TMTC2: variants seen among roughly 807,000 people sequenced by gnomAD.
TMTC2 encodes transmembrane O-mannosyltransferase targeting cadherins 2.
TMTC2 carries 43 observed loss-of-function variants against 82.4 expected under a neutral mutation model. That is an observed-to-expected ratio of 0.52 (90% confidence interval 0.41 to 0.67). TMTC2 has a LOEUF of 0.67. Among genes scored for constraint, TMTC2 ranks in the 30% least tolerant of loss-of-function variants. The pLI is 0.00. For synonymous variants in TMTC2, 408 were observed against 381.9 expected (o/e 1.07, Z -0.80); for missense variants, 919 against 1,012.4 (o/e 0.91, Z 1.25).
chr12:82,727,590 G>A (rs561915265), intron 1 of TMTC2, among the ~76,000 whole-genome samples: 137 of 152,096 alleles, frequency 9.0e-4, no homozygotes, highest in Middle Eastern at 3.4e-3. Context: ...GCATGATGGC[G>A]TGGGCCTGTA....
intron 4 of TMTC2, among the ~76,000 whole-genome samples, chr12:82,951,554 C>T (rs1877347628): frequency 6.6e-6 from 1 of 152,206 alleles, no homozygotes; most frequent in Non-Finnish European, 1.5e-5. Flanking sequence ...CTCCTGAGCT[C>T]AGGCAATCCT....
chr12:82,880,165 C>G (rs1258687695), intron 2 of TMTC2, among the ~76,000 whole-genome samples: 1 of 152,100 alleles, frequency 6.6e-6, no homozygotes, highest in Non-Finnish European at 1.5e-5. Flanking sequence ...GAAATATGAT[C>G]CTTACTGTAA....
intron 1 of TMTC2, among the ~76,000 whole-genome samples, chr12:82,839,236 A>G (rs148701509): frequency 3.5e-4 from 54 of 152,332 alleles, no homozygotes; most frequent in African/African-American, 1.3e-3. Flanking sequence ...AGGGGAAACC[A>G]TTAGAAGACA....
chr12:82,782,769 T>C (rs1269149205), intron 1 of TMTC2, among the ~76,000 whole-genome samples: 1 of 152,176 alleles, frequency 6.6e-6, no homozygotes, highest in African/African-American at 2.4e-5. Flanking sequence ...TGGATGGCTA[T>C]TTGTGGCGTT....
At chr12:83,032,046 C>A (rs1269178250) in intron 9 of TMTC2, among the ~76,000 whole-genome samples, 8 of 151,868 alleles carry the variant, frequency 5.3e-5, no homozygotes, top group Admixed American at 5.3e-4. Flanking sequence ...TCAGGATTTT[C>A]TCATGCCTAG....
intron 4 of TMTC2, among the ~76,000 whole-genome samples, chr12:82,940,157 A>G (rs1876633049): frequency 6.6e-6 from 1 of 150,978 alleles, no homozygotes; most frequent in African/African-American, 2.4e-5. Flanking sequence ...AGCTGGGATT[A>G]TAGGCATGCG....
chr12:83,085,428 C>A (rs1325854935), intron 11 of TMTC2, among the ~76,000 whole-genome samples: 1 of 152,170 alleles, frequency 6.6e-6, no homozygotes, highest in Non-Finnish European at 1.5e-5. Flanking sequence ...CATTTTACAT[C>A]CAAGATTTTT....
intron 1 of TMTC2, among the ~76,000 whole-genome samples, chr12:82,748,096 G>A (rs1256448823): frequency 1.3e-5 from 2 of 151,700 alleles, no homozygotes; most frequent in African/African-American, 4.8e-5. Context: ...GGATCACGCG[G>A]TCAGGAGATT....
intron 4 of TMTC2, among the ~76,000 whole-genome samples, chr12:82,949,479 T>G (rs149344562): frequency 6.6e-6 from 1 of 152,180 alleles, no homozygotes; most frequent in Non-Finnish European, 1.5e-5. Flanking sequence ...GTTGCTTTTT[T>G]AAAATTTTTT....
At chr12:82,746,104 C>G (rs1029600288) in intron 1 of TMTC2, among the ~76,000 whole-genome samples, 41 of 152,134 alleles carry the variant, frequency 2.7e-4, no homozygotes, top group Non-Finnish European at 7.3e-5. Flanking sequence ...TATATAGAGG[C>G]CTTCATTTGT....
intron 11 of TMTC2, among the ~76,000 whole-genome samples, chr12:83,125,346 A>G (rs956976158): frequency 6.6e-6 from 1 of 152,232 alleles, no homozygotes; most frequent in African/African-American, 2.4e-5. Context: ...ATTTTGAGGT[A>G]GTTGGGGCTC....
chr12:82,747,872 C>A (rs1464828783), intron 1 of TMTC2, among the ~76,000 whole-genome samples: 2 of 152,042 alleles, frequency 1.3e-5, no homozygotes, highest in African/African-American at 4.8e-5. Flanking sequence ...TGGTGATCAT[C>A]CTGAATAATA....
intron 1 of TMTC2, among the ~76,000 whole-genome samples, chr12:82,729,003 G>A (rs962384277): frequency 2.0e-5 from 3 of 152,172 alleles, no homozygotes; most frequent in African/African-American, 7.2e-5. Context: ...CTGAGCCTCC[G>A]CCCTCACCCT....
At chr12:82,782,897 T>G (rs563458844) in intron 1 of TMTC2, among the ~76,000 whole-genome samples, 2 of 152,270 alleles carry the variant, frequency 1.3e-5, no homozygotes, top group African/African-American at 4.8e-5. Context: ...TTATTGAATG[T>G]TCCTTTTTGC....
At chr12:82,743,988 G>A (rs918389549) in intron 1 of TMTC2, among the ~76,000 whole-genome samples, 2 of 152,148 alleles carry the variant, frequency 1.3e-5, no homozygotes, top group African/African-American at 2.4e-5. Context: ...AGAAAGGAGG[G>A]GGGTGCTGGG....
intron 11 of TMTC2, among the ~76,000 whole-genome samples, chr12:83,112,050 G>C (rs749359414): frequency 3.5e-4 from 53 of 152,010 alleles, no homozygotes; most frequent in Non-Finnish European, 8.8e-5. Flanking sequence ...AGGTTGCAGT[G>C]AGCCAAGATC....
At position 82,905,716 on chromosome 12, in the gene TMTC2, G is replaced by A. The variant is rs549935903; in HGVS notation, c.1483+9070G>A. 3.6e-4 allele frequency among the ~76,000 whole-genome samples: 54 copies of A among 152,030 alleles called. 1 individual carries two copies. The highest frequency in any genetic ancestry group is 5.0e-4 in the Non-Finnish European group (34 of 67,942). On this transcript the variant is annotated intron_variant, in intron 3 of 11. Coordinates refer to ENST00000321196, the MANE Select transcript of TMTC2 (RefSeq NM_152588.3). ...TCCCAGCACTTTGGGAGGCCGAGGC[G>A]GGCGGATCACCTGAGGTCAGGAGTT... is the stretch of plus-strand genomic sequence containing the variant.
chr12:83,036,867 G>A (rs947711223), intron 9 of TMTC2, among the ~76,000 whole-genome samples: 9 of 152,238 alleles, frequency 5.9e-5, no homozygotes, highest in African/African-American at 1.9e-4. Context: ...AAGGTCAAAG[G>A]GGAACAAGAG....
chr12:83,012,509 C>A (rs115640001), intron 8 of TMTC2, among the ~76,000 whole-genome samples: 1,817 of 152,192 alleles, frequency 0.012, 40 homozygotes, highest in African/African-American at 0.042. Flanking sequence ...TGGATAACAA[C>A]ATGTTTACAT....
Sources: allele counts gnomAD v4.1 joint callset (sites outside exome capture counted in the v4.1 genomes callset), GRCh38; gene constraint gnomAD v4.1.1; transcripts MANE v1.5; gene names NCBI Gene and HGNC (gene_info 2026-07-23, HGNC 2026-07-21).